Variants in PSMD3 observed in about 807,000 individuals in gnomAD.
PSMD3 encodes 26S proteasome non-ATPase regulatory subunit 3.
In PSMD3, 5 loss-of-function variants were observed where a neutral mutation model predicts 62.8. The observed-to-expected ratio is 0.08, with a 90% CI of 0.04 to 0.17. The LOEUF (loss-of-function observed/expected upper bound fraction) is 0.17. Among genes scored for constraint, PSMD3 ranks in the 10% least tolerant of loss-of-function variants. The pLI, the probability that PSMD3 is intolerant of heterozygous loss-of-function variation, is 1.00. For synonymous variants in PSMD3, 265 were observed against 283.9 expected (o/e 0.93, Z 0.67); for missense variants, 524 against 713.6 (o/e 0.73, Z 3.03).
intron 2 of PSMD3, among the ~76,000 whole-genome samples, chr17:39,985,980 A>G (rs553447179): frequency 6.6e-6 from 1 of 152,316 alleles, no homozygotes; most frequent in African/African-American, 2.4e-5. Context: ...CTTAGGTTGT[A>G]GCCTCTTTGA....
At chr17:39,984,270 A>AC in intron 1 of PSMD3, 24 bp from the exon 2 acceptor site, 2 of 1,584,116 alleles carry the variant, frequency 1.3e-6, no homozygotes, top group South Asian at 2.3e-5. Flanking sequence ...AAGTGACATC[A>AC]TTTTCTTCTC....
chr17:39,981,755 G>T (rs1568135255), intron 1 of PSMD3, among the ~76,000 whole-genome samples: 1 of 152,122 alleles, frequency 6.6e-6, no homozygotes. Context: ...CCTCCCTTCA[G>T]GTCCTTACTG....
rs113462990 is a variant in PSMD3, at chr17:39,997,387, T to C, written c.1527+7T>C. ...GGACTTGGAGTCTGCAGAGGTAAGC[T>C]CTCTGCTTTCTGGGTGAGACCGAAA... On this transcript the variant is annotated splice_region_variant and intron_variant, in intron 11 of 11. Transcript: ENST00000264639. The C allele has an allele frequency of 6.2e-7, 1 of 1,613,496 alleles. No individual in the cohort carries two copies. The highest frequency in any genetic ancestry group is 8.5e-7 in the Non-Finnish European group (1 of 1,179,938).
intron 6 of PSMD3, 31 bp downstream of exon 6, chr17:39,990,228 TC>T: frequency 1.0e-5 from 11 of 1,096,642 alleles, no homozygotes; most frequent in Non-Finnish European, 1.4e-5. Context: ...TCCCTTTGCC[TC>T]TTTTTTTTTT....
Position 39,997,704 on chromosome 17 carries a change from G to A in PSMD3, c.*123G>A. 2 of 1,202,820 alleles carry A rather than the reference G, an allele frequency of 1.7e-6. No homozygotes were observed. The highest frequency in any genetic ancestry group is 2.4e-6 in the Non-Finnish European group (2 of 848,104). 74.5% of individuals were successfully genotyped at this position (1,202,820 alleles called of 1,614,324 possible). The stretch of plus-strand genomic sequence containing the variant: ...CTCATATGCTGCATTCGTGCAGGGG[G>A]TGGGGGTGCTGGGAGCCAGCCACCC... On this transcript the variant is annotated 3_prime_UTR_variant, in exon 12 of 12. Transcript: ENST00000264639.
chr17:39,983,175 G>A (rs1980428771), intron 1 of PSMD3, among the ~76,000 whole-genome samples: 1 of 152,028 alleles, frequency 6.6e-6, no homozygotes, highest in South Asian at 2.1e-4. Flanking sequence ...TGGGATTACG[G>A]TCACCCACCA....
At position 39,997,757 on chromosome 17, in the gene PSMD3, C is replaced by T. The variant is rs531717808; in HGVS notation, c.*176C>T. 1.1e-5 allele frequency: 8 copies of T among 720,328 alleles called. No homozygotes were observed. The highest frequency in any genetic ancestry group is 3.5e-5 in the South Asian group (2 of 56,724). 44.6% of individuals were successfully genotyped at this position (720,328 alleles called of 1,614,324 possible). A position where few individuals can be genotyped will look rare whatever the true frequency, so the allele number is the denominator to read the frequency against. The stretch of plus-strand genomic sequence containing the variant: ...ACCTCCCCCAGGGCTCCTCCCCAGC[C>T]GGTGACTTACTGTACAGCAGGCAGG... On this transcript the variant is annotated 3_prime_UTR_variant, in exon 12 of 12. Coordinates refer to ENST00000264639, the MANE Select transcript of PSMD3 (RefSeq NM_002809.4).
chr17:39,982,509 C>T (rs1390838427), intron 1 of PSMD3, among the ~76,000 whole-genome samples: 4 of 152,166 alleles, frequency 2.6e-5, no homozygotes, highest in Admixed American at 6.5e-5. Context: ...CATTAACATT[C>T]GTAAACATAA....
At chr17:39,992,693 C>T (rs970981466) in intron 6 of PSMD3, among the ~76,000 whole-genome samples, 1 of 152,226 alleles carries the variant, frequency 6.6e-6, no homozygotes, top group Admixed American at 6.5e-5. Context: ...ACTCCTTCCT[C>T]TCTCTTCTAG....
chr17:39,991,186 TG>T (rs1980647074), intron 6 of PSMD3, among the ~76,000 whole-genome samples: 1 of 152,038 alleles, frequency 6.6e-6, no homozygotes, highest in Admixed American at 6.6e-5. Flanking sequence ...AACGGAGTCT[TG>T]CTCTGTCTCC....
At chr17:39,985,201 C>G (rs187384679) in intron 2 of PSMD3, among the ~76,000 whole-genome samples, 1 of 152,130 alleles carries the variant, frequency 6.6e-6, no homozygotes, top group Non-Finnish European at 1.5e-5. Flanking sequence ...GCACTCTAGC[C>G]TAGGTGACAG....
In PSMD3 at chr17:39,984,324, A is replaced by G; in HGVS notation, c.251A>G (p.Lys84Arg). ...DIKEHVKQLE[K>R]AVSGKEPRFV... is the part of the protein sequence containing the mutation. ...AAGGAGCACGTGAAACAGCTAGAGA[A>G]AGCGGTTTCAGGCAAGGAGCCGAGA... is the stretch of plus-strand genomic sequence containing the variant. Residue 84 changes from lysine to arginine, a missense_variant, in exon 2 of 12, where the codon AAA (lysine) becomes AGA (arginine). Coordinates refer to ENST00000264639, the MANE Select transcript of PSMD3 (RefSeq NM_002809.4). 8 of 1,613,648 alleles carry G rather than the reference A, an allele frequency of 5.0e-6. No homozygotes were observed. Among genetic ancestry groups the G allele is most frequent in the Non-Finnish European group, 6.8e-6 (8 of 1,179,960 alleles).
Position 39,980,836 on chromosome 17 carries a change from A to C in PSMD3, c.-135A>C. The C allele has an allele frequency of 3.7e-6, 3 of 805,876 alleles. No individual in the cohort carries two copies. Among genetic ancestry groups the C allele is most frequent in the Non-Finnish European group, 5.5e-6 (3 of 541,174 alleles). 49.9% of individuals were successfully genotyped at this position (805,876 alleles called of 1,614,324 possible). A position where few individuals can be genotyped will look rare whatever the true frequency, so the allele number is the denominator to read the frequency against. ...GGCCCAGCGCCGGGAAGGGGTTTGC[A>C]GCTGCTCCGTCATCGTGCGGCCCGA... is the stretch of plus-strand genomic sequence containing the variant. On this transcript the variant is annotated 5_prime_UTR_variant, in exon 1 of 12. Transcript: ENST00000264639.
Position 39,996,315 on chromosome 17 carries a change from G to A in PSMD3, c.1453G>A (p.Asp485Asn), listed in dbSNP as rs1480418933. 6.2e-7 allele frequency: 1 copy of A among 1,613,964 alleles called. No individual in the cohort carries two copies. The highest frequency in any genetic ancestry group is 2.2e-5 in the East Asian group (1 of 44,874). ...CCACCAGCGCATCTCCTTCTGCCTA[G>A]ATATCCACAACATGTCTGTCAAGGT... is the stretch of plus-strand genomic sequence containing the variant. ...AFHQRISFCL[D>N]IHNMSVKAMR... is the part of the protein sequence containing the mutation. The change falls in exon 10 of 12, where the codon GAT (aspartate) becomes AAT (asparagine). Residue 485 changes from aspartate (D) to asparagine (N), a missense_variant. Coordinates refer to ENST00000264639, the MANE Select transcript of PSMD3 (RefSeq NM_002809.4). This position sits in a 1 kb window ranked among gnomAD's most constrained non-coding sequence, Gnocchi z 5.1.
intron 2 of PSMD3, among the ~76,000 whole-genome samples, chr17:39,986,311 G>A (rs1035399882): frequency 6.6e-6 from 1 of 152,092 alleles, no homozygotes; most frequent in Non-Finnish European, 1.5e-5. Context: ...TGCCCAGACT[G>A]GTCTCAAATT....
intron 6 of PSMD3, chr17:39,993,146 T>C (rs1169969356): frequency 6.6e-6 from 1 of 152,254 alleles, no homozygotes; most frequent in Non-Finnish European, 1.5e-5. Flanking sequence ...TCTCGTCTGC[T>C]TGTCGATGGC....
At chr17:39,982,752 A>G (rs1980418885) in intron 1 of PSMD3, among the ~76,000 whole-genome samples, 1 of 152,252 alleles carries the variant, frequency 6.6e-6, no homozygotes, top group Non-Finnish European at 1.5e-5. Context: ...GTGAATATAC[A>G]GAAGTGCCTA....
At position 39,995,222 on chromosome 17, in the gene PSMD3, G is replaced by A. The variant is rs1399252190; in HGVS notation, c.1143G>A (p.Gln381=). 2.5e-6 allele frequency: 4 copies of A among 1,614,162 alleles called. No homozygotes were observed. The highest frequency in any genetic ancestry group is 2.5e-6 in the Non-Finnish European group (3 of 1,180,042). The change falls in exon 8 of 12, where the codon CAG becomes CAA. Residue 381 remains glutamine, a synonymous_variant. Transcript: ENST00000264639. This position sits in a 1 kb window ranked among gnomAD's most constrained non-coding sequence, Gnocchi z 4.1. ...NLAKFNQVLD[Q]FGEKFQADGT... ...CCAAGTTCAACCAGGTCCTGGATCA[G>A]TTTGGGGAGAAGTTTCAAGCAGATG...
At chr17:39,986,762 G>T (rs1980536415) in intron 3 of PSMD3, 50 bp downstream of exon 3, 1 of 1,595,218 alleles carries the variant, frequency 6.3e-7, no homozygotes, top group Non-Finnish European at 8.6e-7. Flanking sequence ...TGATGCAAGG[G>T]GTTTGGCGGG....
Sources: allele counts gnomAD v4.1 joint callset (sites outside exome capture counted in the v4.1 genomes callset), GRCh38; gene constraint gnomAD v4.1.1; non-coding constraint Gnocchi (gnomAD v3.1); transcripts MANE v1.5; gene names NCBI Gene and HGNC (gene_info 2026-07-23, HGNC 2026-07-21).